Variants in RNF169 observed in about 807,000 individuals in gnomAD.
RNF169 encodes the protein E3 ubiquitin-protein ligase RNF169.
In RNF169, 24 loss-of-function variants were observed where a neutral mutation model predicts 53.9. The observed-to-expected ratio is 0.45, with a 90% confidence interval of 0.32 to 0.63. The LOEUF is 0.63. RNF169 is among the 20% of genes least tolerant of loss of function. The pLI is 0.04. For missense variants in RNF169, 883 were observed against 906.2 expected, an observed-to-expected ratio of 0.97 and a Z score of 0.33; for synonymous variants, 396 against 363.5, an observed-to-expected ratio of 1.09 and a Z score of -1.02.
At position 74,781,525 on chromosome 11, in the gene RNF169, G is replaced by A. The variant is rs535713836; in HGVS notation, c.503-8101G>A. 3.9e-5 allele frequency among the ~76,000 whole-genome samples: 6 copies of A among 152,304 alleles called. No homozygotes were observed. The South Asian group carries it at 1.2e-3, about 32-fold the overall frequency. The stretch of plus-strand genomic sequence containing the variant: ...TTGTTCCCAGTCTTTAGTATGGCGA[G>A]TAATCAGCAGTGAACATTCTTGTAT... On this transcript the variant is annotated intron_variant, in intron 1 of 5. Transcript: ENST00000299563.
rs1410468386 is a variant in RNF169, at chr11:74,813,945, C to T, written c.723+3615C>T. 2.0e-5 allele frequency among the ~76,000 whole-genome samples: 3 copies of T among 152,194 alleles called. No homozygotes were observed. The East Asian group carries it at 5.8e-4, about 29-fold the overall frequency. On this transcript the variant is annotated intron_variant, in intron 3 of 5. Transcript: ENST00000299563. ...GAACTCGTGATCCGCCCGCCTCAGC[C>T]TCCCAAAGTGCTGGGATTACAGGCA...
chr11:74,777,324 G>A (rs545202), intron 1 of RNF169, among the ~76,000 whole-genome samples: 55,519 of 152,020 alleles, frequency 0.37, 13,044 homozygotes, highest in African/African-American at 0.67. Context: ...TTTGCCTCAA[G>A]CAGGGCAAAA....
chr11:74,779,812 G>T (rs988151464), intron 1 of RNF169, among the ~76,000 whole-genome samples: 1 of 152,112 alleles, frequency 6.6e-6, no homozygotes, highest in East Asian at 1.9e-4. Flanking sequence ...GACAGTGGTT[G>T]TTCAAGGTTT....
intron 1 of RNF169, among the ~76,000 whole-genome samples, chr11:74,769,634 T>C (rs955434292): frequency 1.3e-5 from 2 of 152,188 alleles, no homozygotes; most frequent in Admixed American, 6.5e-5. Flanking sequence ...ATGAACTGGG[T>C]ATATATCAAC....
chr11:74,789,810 T>C (rs1045839788), intron 2 of RNF169, 111 bp downstream of exon 2: 1 of 639,212 alleles, frequency 1.6e-6, no homozygotes, highest in African/African-American at 1.8e-5. Context: ...ATGCAGAGCC[T>C]TTCTTCACAC....
intron 2 of RNF169, among the ~76,000 whole-genome samples, chr11:74,800,917 T>C (rs2035719735): frequency 6.6e-6 from 1 of 152,238 alleles, no homozygotes; most frequent in African/African-American, 2.4e-5. Flanking sequence ...GTTCAATTTA[T>C]ATGTAAACTT....
intron 1 of RNF169, among the ~76,000 whole-genome samples, chr11:74,779,778 T>C (rs183083387): frequency 6.6e-6 from 1 of 152,310 alleles, no homozygotes; most frequent in East Asian, 1.9e-4. Flanking sequence ...AACATTAAAG[T>C]TTCTCCTTTC....
intron 1 of RNF169, among the ~76,000 whole-genome samples, chr11:74,775,631 T>C (rs2035322504): frequency 1.3e-5 from 2 of 152,186 alleles, no homozygotes; most frequent in Non-Finnish European, 2.9e-5. Context: ...CAATGATTAT[T>C]CTGCCTGGAA....
chr11:74,798,921 G>A (rs760144015), intron 2 of RNF169, among the ~76,000 whole-genome samples: 1 of 151,894 alleles, frequency 6.6e-6, no homozygotes, highest in South Asian at 2.1e-4. Context: ...GGGCATGGTC[G>A]TGCATGCTTG....
At chr11:74,829,325 T>G (rs2036143016) in intron 4 of RNF169, among the ~76,000 whole-genome samples, 1 of 152,138 alleles carries the variant, frequency 6.6e-6, no homozygotes, top group Admixed American at 6.5e-5. Context: ...TGGCTATTAT[T>G]AAAAAGTCAA....
chr11:74,839,882 A>AG lies in RNF169; in HGVS notation c.*3154dup, dbSNP rs1565191878. ...TAATCTATTTGCCTCTTTTTAAAAA[A>AG]GGTTAAGTCTTCTTGGGTGAGGCTT... On this transcript the variant is annotated 3_prime_UTR_variant, in exon 6 of 6. Coordinates refer to ENST00000299563, the MANE Select transcript of RNF169 (RefSeq NM_001098638.2). 2.0e-5 allele frequency: 3 copies of AG among 152,240 alleles called. No homozygotes were observed. The highest frequency in any genetic ancestry group is 7.2e-5 in the African/African-American group (3 of 41,452). The allele number at this position is 152,240 out of a possible 1,614,324, so 9.4% of individuals were successfully genotyped here.
rs2036292335 is a variant in RNF169 at position 74,838,591 on chromosome 11, A to G, written c.*1861A>G. ...ACTACGTTGGTGGGGAACATCACTC[A>G]CCTGAATGTATGCATTCTGTGTTCT... On this transcript the variant is annotated 3_prime_UTR_variant, in exon 6 of 6. Coordinates refer to ENST00000299563, the MANE Select transcript of RNF169 (RefSeq NM_001098638.2). 1 of 152,254 alleles carries G rather than the reference A, an allele frequency of 6.6e-6. No homozygotes were observed. Among genetic ancestry groups the G allele is most frequent in the South Asian group, 2.1e-4 (1 of 4,832 alleles). 9.4% of individuals were successfully genotyped at this position (152,254 alleles called of 1,614,324 possible).
At position 74,748,904 on chromosome 11, in the gene RNF169, T is replaced by A; in HGVS notation, c.24T>A (p.Thr8=). 6.9e-7 allele frequency: 1 copy of A among 1,441,948 alleles called. No homozygotes were observed. Among genetic ancestry groups the A allele is most frequent in the Non-Finnish European group, 9.2e-7 (1 of 1,086,780 alleles). 89.3% of individuals were successfully genotyped at this position (1,441,948 alleles called of 1,614,324 possible). A position where few individuals can be genotyped will look rare whatever the true frequency, so the allele number is the denominator to read the frequency against. The part of the protein sequence containing the change: MAAAGPS[T]RASSAAAAAA... ...AGATGGCGGCTGCAGGTCCGAGTACTCGGGCCTCTTCCGCGGCGGCAGCAG... is the reference window on the plus strand; with the variant it reads ...AGATGGCGGCTGCAGGTCCGAGTACACGGGCCTCTTCCGCGGCGGCAGCAG... The change falls in exon 1 of 6, where the codon ACT becomes ACA. Residue 8 remains threonine, a synonymous_variant. Coordinates refer to ENST00000299563, the MANE Select transcript of RNF169 (RefSeq NM_001098638.2).
intron 4 of RNF169, among the ~76,000 whole-genome samples, chr11:74,833,666 G>C (rs1008357719): frequency 1.3e-5 from 2 of 152,120 alleles, no homozygotes; most frequent in Non-Finnish European, 2.9e-5. Context: ...CCTGGATAAT[G>C]GCCATCAGTG....
intron 4 of RNF169, among the ~76,000 whole-genome samples, chr11:74,829,124 C>A (rs1276391593): frequency 6.6e-6 from 1 of 152,108 alleles, no homozygotes; most frequent in African/African-American, 2.4e-5. Context: ...TCAGCATCTA[C>A]AAGGAACTTA....
intron 2 of RNF169, among the ~76,000 whole-genome samples, chr11:74,790,146 T>A (rs888730266): frequency 1.3e-5 from 2 of 152,240 alleles, no homozygotes; most frequent in Non-Finnish European, 2.9e-5. Context: ...AATAATTTCC[T>A]AGTTAGAAAA....
At position 74,835,826 on chromosome 11, in the gene RNF169, A is replaced by C. The variant is rs200909124; in HGVS notation, c.1223A>C (p.Lys408Thr). The C allele has an allele frequency of 3.7e-6, 6 of 1,614,034 alleles. No homozygotes were observed. The highest frequency in any genetic ancestry group is 1.1e-5 in the South Asian group (1 of 91,084). The change falls in exon 6 of 6, where the codon AAA (lysine) becomes ACA (threonine). Residue 408 changes from lysine (K) to threonine (T), a missense_variant. Physicochemically the swap from Lys to Thr is moderately conservative, Grantham distance 78. This residue lies in a region of RNF169 where 219 missense variants were observed against 289.1 expected (regional missense o/e 0.76). Coordinates refer to ENST00000299563, the MANE Select transcript of RNF169 (RefSeq NM_001098638.2). ...CGTGTGCTAAGTCCTCTCATCATCA[A>C]ATCAACTCCACGCAACCTAAACAGA... ...DGRVLSPLIIKSTPRNLNRSL... is the reference protein window; with the variant it reads ...DGRVLSPLIITSTPRNLNRSL...
At chr11:74,758,941 G>A (rs1453802104) in intron 1 of RNF169, among the ~76,000 whole-genome samples, 1 of 149,256 alleles carries the variant, frequency 6.7e-6, no homozygotes, top group Admixed American at 6.7e-5. Flanking sequence ...CTACCCATGA[G>A]CATGGAATGT....
chr11:74,802,740 C>G (rs2035750224), intron 2 of RNF169, among the ~76,000 whole-genome samples: 1 of 152,104 alleles, frequency 6.6e-6, no homozygotes, highest in Admixed American at 6.6e-5. Flanking sequence ...AAAAAATTGC[C>G]TAACATATAG....
Sources: gnomAD v4.1 joint callset for allele counts (sites outside exome capture counted in the v4.1 genomes callset) on GRCh38, gnomAD v4.1.1 for gene constraint, gnomAD v4.1.1 regional missense constraint, MANE v1.5 for transcripts, NCBI Gene and HGNC (gene_info 2026-07-23, HGNC 2026-07-21) for gene names.